TTBK2: variants seen among roughly 807,000 people sequenced by gnomAD.
TTBK2 encodes tau tubulin kinase 2, also known as tau-tubulin kinase 2.
A neutral mutation model predicts 110.8 loss-of-function variants in TTBK2; 28 were observed. That is an observed-to-expected ratio of 0.25 (90% CI 0.19 to 0.35). TTBK2 has a LOEUF of 0.35. Ranked by LOEUF, TTBK2 falls within the 10% of genes least tolerant of loss-of-function variation. The pLI is 1.00. For synonymous variants in TTBK2, 532 were observed against 527.3 expected (o/e 1.01, Z -0.12); for missense variants, 1,369 against 1,500.3 (o/e 0.91, Z 1.45).
intron 1 of TTBK2, among the ~76,000 whole-genome samples, chr15:42,917,468 A>G (rs563784889): frequency 6.6e-6 from 1 of 152,292 alleles, no homozygotes; most frequent in South Asian, 2.1e-4. Context: ...CCAGACTTTA[A>G]TGAGGCAGTT....
rs2061740093 is a variant in TTBK2, at chr15:42,739,927, G to A, written c.*5868C>T. Reference sequence around the variant, plus strand: ...AGAGAAAAAGAGCATCATATGGCAAGGGTAGTCTATATAAAAACTTGGTTT... The same window carrying A: ...AGAGAAAAAGAGCATCATATGGCAAAGGTAGTCTATATAAAAACTTGGTTT... On this transcript the variant is annotated 3_prime_UTR_variant, in exon 15 of 15. Transcript: ENST00000267890. The A allele has an allele frequency of 6.6e-6, 1 of 152,124 alleles. No individual in the cohort carries two copies. The highest frequency in any genetic ancestry group is 1.5e-5 in the Non-Finnish European group (1 of 68,020). The allele number at this position is 152,124 out of a possible 1,614,324, so 9.4% of individuals were successfully genotyped here. A position where few individuals can be genotyped will look rare whatever the true frequency, so the allele number is the denominator to read the frequency against.
At chr15:42,786,208 T>C (rs975090507) in intron 10 of TTBK2, among the ~76,000 whole-genome samples, 1 of 152,162 alleles carries the variant, frequency 6.6e-6, no homozygotes, top group Admixed American at 6.6e-5. Flanking sequence ...AAAAGGTAGT[T>C]TGGCCTAAAA....
At chr15:42,797,859 CTTTTTTA>C (rs1237727219) in intron 9 of TTBK2, among the ~76,000 whole-genome samples, 2 of 151,702 alleles carry the variant, frequency 1.3e-5, no homozygotes, top group Non-Finnish European at 2.9e-5. Context: ...GTCCTCATGC[CTTTTTTA>C]TTTTTTATTA....
intron 2 of TTBK2, among the ~76,000 whole-genome samples, chr15:42,876,667 C>T (rs1235915909): frequency 6.6e-6 from 1 of 152,092 alleles, no homozygotes; most frequent in Admixed American, 6.5e-5. Context: ...ATTAAAATAG[C>T]TTTGTGAAAC....
intron 1 of TTBK2, among the ~76,000 whole-genome samples, chr15:42,904,867 G>A (rs1055255939): frequency 1.3e-5 from 2 of 151,656 alleles, no homozygotes; most frequent in African/African-American, 4.8e-5. Context: ...ACATCAAACT[G>A]TATATAATTT....
At chr15:42,746,787 C>T (rs1443089691) in intron 14 of TTBK2, among the ~76,000 whole-genome samples, 1 of 151,788 alleles carries the variant, frequency 6.6e-6, no homozygotes, top group Non-Finnish European at 1.5e-5. Context: ...CACTCAGCAA[C>T]AGGAGGAACT....
chr15:42,872,542 T>G, intron 3 of TTBK2, 69 bp downstream of exon 3: 1 of 1,554,452 alleles, frequency 6.4e-7, no homozygotes, highest in South Asian at 1.1e-5. Flanking sequence ...TAATTAAGGT[T>G]CAGGAAGATA....
Position 42,783,563 on chromosome 15 carries a change from C to G in TTBK2, c.1053G>C (p.Gln351His). The change falls in exon 11 of 15, where the codon CAG becomes CAC. Residue 351 changes from glutamine (Q) to histidine (H), a missense_variant. Coordinates refer to ENST00000267890, the MANE Select transcript of TTBK2 (RefSeq NM_173500.4). ...ENTDEVFPDEQLSDGENGIPV... is the reference protein window; with the variant it reads ...ENTDEVFPDEHLSDGENGIPV... ...GGATGCCATTTTCTCCATCGCTAAGCTGTTCATCTGGAAATACCTCATCTG... is the reference window on the plus strand; with the variant it reads ...GGATGCCATTTTCTCCATCGCTAAGGTGTTCATCTGGAAATACCTCATCTG... The G allele has an allele frequency of 6.2e-7, 1 of 1,614,098 alleles. No individual in the cohort carries two copies.
chr15:42,790,430 G>A (rs1890609354), intron 10 of TTBK2, among the ~76,000 whole-genome samples: 1 of 151,210 alleles, frequency 6.6e-6, no homozygotes, highest in African/African-American at 2.4e-5. Flanking sequence ...GACTATAGGT[G>A]CACAACACCA....
Position 42,816,085 on chromosome 15 carries a change from A to AATATATATAT in TTBK2, c.603+937_603+946dup, listed in dbSNP as rs71431870. On this transcript the variant is annotated intron_variant, in intron 7 of 14. Coordinates refer to ENST00000267890, the MANE Select transcript of TTBK2 (RefSeq NM_173500.4). ...ATATATATATAAAAATAAATAAATA[A>AATATATATAT]ATATATATATATATATATATATATA... Among the ~76,000 whole-genome samples the AATATATATAT allele has an allele frequency of 3.2e-3, 216 of 67,408 alleles. 2 individuals are homozygous for AATATATATAT. Among genetic ancestry groups the AATATATATAT allele is most frequent in the African/African-American group, 8.8e-3 (115 of 13,138 alleles). 44.2% of individuals were successfully genotyped at this position (67,408 alleles called of 152,430 possible).
At chr15:42,861,087 T>C (rs933705809) in intron 3 of TTBK2, among the ~76,000 whole-genome samples, 4 of 152,202 alleles carry the variant, frequency 2.6e-5, no homozygotes, top group Non-Finnish European at 4.4e-5. Flanking sequence ...GCACCCAATA[T>C]TGAAGCATCC....
intron 3 of TTBK2, among the ~76,000 whole-genome samples, chr15:42,860,690 C>A (rs1391345497): frequency 7.2e-6 from 1 of 138,204 alleles, no homozygotes; most frequent in African/African-American, 2.9e-5. Flanking sequence ...ACACTAAATG[C>A]CTTTACACTC....
intron 3 of TTBK2, among the ~76,000 whole-genome samples, chr15:42,841,141 T>G (rs577981584): frequency 6.6e-6 from 1 of 152,354 alleles, no homozygotes; most frequent in South Asian, 2.1e-4. Flanking sequence ...TAAAGATTCC[T>G]CAGTTCTATA....
At chr15:42,806,161 A>G (rs1891459513) in intron 9 of TTBK2, among the ~76,000 whole-genome samples, 1 of 152,200 alleles carries the variant, frequency 6.6e-6, no homozygotes, top group Non-Finnish European at 1.5e-5. Context: ...GCTACTTGGA[A>G]GGCTGAGGCA....
At chr15:42,862,517 T>C (rs969943468) in intron 3 of TTBK2, among the ~76,000 whole-genome samples, 2 of 151,882 alleles carry the variant, frequency 1.3e-5, no homozygotes, top group African/African-American at 2.4e-5. Flanking sequence ...GCAAAAAAAA[T>C]TTTTCAATAA....
intron 13 of TTBK2, among the ~76,000 whole-genome samples, chr15:42,761,011 G>T (rs530219269): frequency 5.3e-5 from 8 of 152,288 alleles, no homozygotes; most frequent in Admixed American, 5.2e-4. Flanking sequence ...ACAGATCAGA[G>T]AATCCAGAAA....
At chr15:42,747,715 G>A (rs1330093640) in intron 14 of TTBK2, among the ~76,000 whole-genome samples, 1 of 152,126 alleles carries the variant, frequency 6.6e-6, no homozygotes, top group Non-Finnish European at 1.5e-5. Flanking sequence ...ATATTTTAGT[G>A]GCAATGCCAA....
intron 9 of TTBK2, among the ~76,000 whole-genome samples, chr15:42,804,440 T>C (rs1891368937): frequency 7.3e-6 from 1 of 137,738 alleles, no homozygotes; most frequent in African/African-American, 2.8e-5. Context: ...AAACTCCATC[T>C]CAAAAAAAAA....
At chr15:42,845,548 C>T (rs1173648317) in intron 3 of TTBK2, among the ~76,000 whole-genome samples, 2 of 143,472 alleles carry the variant, frequency 1.4e-5, no homozygotes, top group Non-Finnish European at 3.0e-5. Context: ...GCAGGAGAAT[C>T]ACTTGAACCT....
Sources: gnomAD v4.1 joint callset for allele counts (sites outside exome capture counted in the v4.1 genomes callset) on GRCh38, gnomAD v4.1.1 for gene constraint, MANE v1.5 for transcripts, NCBI Gene and HGNC (gene_info 2026-07-23, HGNC 2026-07-21) for gene names.